ZMYND12: variants seen among roughly 807,000 people sequenced by gnomAD.
ZMYND12 encodes the protein zinc finger MYND domain-containing protein 12.
A neutral mutation model predicts 41.7 loss-of-function variants in ZMYND12; 32 were observed. That is an observed-to-expected ratio of 0.77 (90% CI 0.58 to 1.03). The LOEUF (loss-of-function observed/expected upper bound fraction) is 1.03. Among genes scored for constraint, ZMYND12 ranks in the 50% least tolerant of loss-of-function variants. ZMYND12 has a pLI of 0.00. For missense variants in ZMYND12, 424 were observed against 438.5 expected (o/e 0.97, Z 0.30); for synonymous variants, 148 against 164.8 (o/e 0.90, Z 0.78).
rs148618712 is a variant in ZMYND12 at position 42,443,133 on chromosome 1, C to A, written c.425-3108G>T. 6.6e-4 allele frequency among the ~76,000 whole-genome samples: 101 copies of A among 152,316 alleles called. 2 individuals carry two copies. Among genetic ancestry groups the A allele is most frequent in the Middle Eastern group, 3.4e-3 (1 of 294 alleles). ...AAAGAATGAAGACTCCAAGGCCCAG[C>A]TGAACCAGCATCTAAACAAGCATCA... On this transcript the variant is annotated intron_variant, in intron 3 of 7. Coordinates refer to ENST00000372565, the MANE Select transcript of ZMYND12 (RefSeq NM_032257.5).
chr1:42,454,355 A>G (rs1643119869), intron 1 of ZMYND12, among the ~76,000 whole-genome samples: 1 of 152,226 alleles, frequency 6.6e-6, no homozygotes, highest in South Asian at 2.1e-4. Context: ...TGTGGGGCAT[A>G]CAGCCTAATG....
chr1:42,454,004 C>T (rs944151450), intron 1 of ZMYND12, among the ~76,000 whole-genome samples: 9 of 151,938 alleles, frequency 5.9e-5, no homozygotes, highest in African/African-American at 1.9e-4. Context: ...AAAAGTATGA[C>T]GGGGAGTTGA....
At chr1:42,434,496 G>A (rs575795683) in intron 6 of ZMYND12, among the ~76,000 whole-genome samples, 1 of 152,230 alleles carries the variant, frequency 6.6e-6, no homozygotes, top group Admixed American at 6.5e-5. Flanking sequence ...CACAGCAGGT[G>A]GTGAGCAGGG....
chr1:42,435,350 G>A lies in ZMYND12; in HGVS notation c.753C>T (p.His251=). ...SEIWHAYLNN[H]YQVLSQAHIQ... ...TGTGAGCCTGTGAGAGGACTTGATA[G>A]TGATTGTTCAAATATGCATGCCAGA... The change falls in exon 6 of 8, where the codon CAC becomes CAT. Residue 251 remains histidine (H), a synonymous_variant. Transcript: ENST00000372565. 6.2e-7 allele frequency: 1 copy of A among 1,614,046 alleles called. No homozygotes were observed. Among genetic ancestry groups the A allele is most frequent in the Non-Finnish European group, 8.5e-7 (1 of 1,179,910 alleles).
At position 42,455,988 on chromosome 1, in the gene ZMYND12, T is replaced by A; in HGVS notation, c.10A>T (p.Ile4Phe). The change falls in exon 1 of 8, where the codon ATC becomes TTC. Residue 4 changes from isoleucine (I) to phenylalanine (F), a missense_variant. Coordinates refer to ENST00000372565, the MANE Select transcript of ZMYND12 (RefSeq NM_032257.5). Reference sequence around the variant, plus strand: ...CCCTTGGGGACTGCCAGTGGGTAGATCACATTCATGGTGCAGCCAGCAGTG... The same window carrying A: ...CCCTTGGGGACTGCCAGTGGGTAGAACACATTCATGGTGCAGCCAGCAGTG... Reference protein sequence around the residue: MNVIYPLAVPKGRR... With the variant: MNVFYPLAVPKGRR... 4 of 1,612,284 alleles carry A rather than the reference T, an allele frequency of 2.5e-6. No homozygotes were observed. Among genetic ancestry groups the A allele is most frequent in the Middle Eastern group, 1.7e-4 (1 of 6,060 alleles).
intron 1 of ZMYND12, among the ~76,000 whole-genome samples, chr1:42,453,485 C>G (rs1450105237): frequency 6.6e-6 from 1 of 152,150 alleles, no homozygotes; most frequent in Non-Finnish European, 1.5e-5. Flanking sequence ...ACACATTTGA[C>G]ATAGTATCTA....
At chr1:42,448,365 G>A in intron 3 of ZMYND12, 102 bp downstream of exon 3, 1 of 1,314,478 alleles carries the variant, frequency 7.6e-7, no homozygotes, top group Non-Finnish European at 1.0e-6. Flanking sequence ...TTCTACAATA[G>A]GTCTCTTGGT....
chr1:42,436,618 G>A, intron 4 of ZMYND12, 75 bp from the exon 5 acceptor site: 1 of 1,518,756 alleles, frequency 6.6e-7, no homozygotes, highest in South Asian at 1.2e-5. Context: ...CTTGTATCTA[G>A]AATACATACA....
intron 6 of ZMYND12, 123 bp from the exon 7 acceptor site, chr1:42,433,411 A>G (rs1642875589): frequency 1.7e-6 from 2 of 1,146,940 alleles, no homozygotes; most frequent in East Asian, 5.4e-5. Flanking sequence ...TGGTGGAAAT[A>G]GCACCAATTA....
intron 4 of ZMYND12, among the ~76,000 whole-genome samples, chr1:42,436,813 TAAA>T (rs923725306): frequency 2.1e-4 from 32 of 151,098 alleles, no homozygotes; most frequent in Non-Finnish European, 4.1e-4. Flanking sequence ...ATACAGAAAA[TAAA>T]AAGTGTTGGG....
intron 7 of ZMYND12, 170 bp downstream of exon 7, chr1:42,432,973 G>T: frequency 1.4e-6 from 1 of 731,206 alleles, no homozygotes; most frequent in Non-Finnish European, 2.2e-6. Context: ...TTTCCATTAT[G>T]CAGGCTAGAC....
In ZMYND12 at chr1:42,436,279, G is replaced by C. The variant is rs1275714478; in HGVS notation, c.717+142C>G. On this transcript the variant is annotated intron_variant, in intron 5 of 7. Transcript: ENST00000372565. Reference sequence around the variant, plus strand: ...GAAAATGGAGTATATCATGTATCAGGCTATATAGTCTTGGGCAAGCCACTT... The same window carrying C: ...GAAAATGGAGTATATCATGTATCAGCCTATATAGTCTTGGGCAAGCCACTT... The C allele has an allele frequency of 4.5e-6, 5 of 1,113,662 alleles. No homozygotes were observed. In the African/African-American group the frequency reaches 6.3e-5, roughly 14 times the overall value. 69.0% of individuals were successfully genotyped at this position (1,113,662 alleles called of 1,614,324 possible). A position where few individuals can be genotyped will look rare whatever the true frequency, so the allele number is the denominator to read the frequency against.
chr1:42,440,143 G>A, intron 3 of ZMYND12, 118 bp from the exon 4 acceptor site: 3 of 1,062,596 alleles, frequency 2.8e-6, no homozygotes, highest in Non-Finnish European at 3.8e-6. Context: ...TATTGACACA[G>A]AAAAACTCAT....
At chr1:42,449,367 A>G (rs1381979013) in intron 2 of ZMYND12, among the ~76,000 whole-genome samples, 2 of 152,154 alleles carry the variant, frequency 1.3e-5, no homozygotes, top group Non-Finnish European at 2.9e-5. Flanking sequence ...GCCAAAATTC[A>G]TGTGTTGAAG....
Position 42,435,369 on chromosome 1 carries a change from T to TG in ZMYND12, c.733dup (p.His245ProfsTer27). 1 of 1,613,618 alleles carries TG rather than the reference T, an allele frequency of 6.2e-7. No individual in the cohort carries two copies. Among genetic ancestry groups the TG allele is most frequent in the Non-Finnish European group, 8.5e-7 (1 of 1,179,560 alleles). On this transcript the variant is annotated frameshift_variant, in exon 6 of 8. Transcript: ENST00000372565. LOFTEE classifies it high-confidence loss of function. The stretch of plus-strand genomic sequence containing the variant: ...TTGATAGTGATTGTTCAAATATGCA[T>TG]GCCAGATCTCAGAGACCTGTTGGGA...
Position 42,455,889 on chromosome 1 carries a change from A to C in ZMYND12, c.109T>G (p.Cys37Gly). 2 of 1,609,154 alleles carry C rather than the reference A, an allele frequency of 1.2e-6. No individual in the cohort carries two copies. Among genetic ancestry groups the C allele is most frequent in the Non-Finnish European group, 8.5e-7 (1 of 1,176,576 alleles). The change falls in exon 1 of 8, where the codon TGT (cysteine) becomes GGT (glycine). Residue 37 changes from cysteine to glycine, a missense_variant and splice_region_variant. By Grantham distance (159) the Cys-to-Gly change is radical. Transcript: ENST00000372565. ...CAGGTGCCACGTTTCAGGGCCTACC[A>C]GTAATAAGTGACTGTGCAGGCCGCG... ...VCAACTVTYY[C>G]GVVHQKADWD...
chr1:42,430,836 G>A lies in ZMYND12; in HGVS notation c.998C>T (p.Ala333Val). ...CTGTTGTTCTTTGGCTAGACTGAGGGCCCTCATGCCATATTCCTGTGCCTG... is the reference window on the plus strand; with the variant it reads ...CTGTTGTTCTTTGGCTAGACTGAGGACCCTCATGCCATATTCCTGTGCCTG... Reference protein sequence around the residue: ...SSKAQEYGMRALSLAKEQQLD... With the variant: ...SSKAQEYGMRVLSLAKEQQLD... Residue 333 changes from alanine to valine, a missense_variant, in exon 8 of 8, where the codon GCC (alanine) becomes GTC (valine). Ala to Val is a moderately conservative substitution (Grantham distance 64). Transcript: ENST00000372565. 1.2e-6 allele frequency: 2 copies of A among 1,614,146 alleles called. No individual in the cohort carries two copies. The highest frequency in any genetic ancestry group is 1.7e-6 in the Non-Finnish European group (2 of 1,180,022).
At chr1:42,430,956 T>G in intron 7 of ZMYND12, 98 bp from the exon 8 acceptor site, 2 of 1,510,358 alleles carry the variant, frequency 1.3e-6, no homozygotes, top group Non-Finnish European at 1.8e-6. Context: ...GAGAGAGAAC[T>G]GACCACCTTT....
chr1:42,436,422 T>C lies in ZMYND12; in HGVS notation c.716A>G (p.Lys239Arg), dbSNP rs369265359. 18 of 1,612,986 alleles carry C rather than the reference T, an allele frequency of 1.1e-5. No individual in the cohort carries two copies. Among genetic ancestry groups the C allele is most frequent in the Middle Eastern group, 1.6e-4 (1 of 6,072 alleles). The stretch of plus-strand genomic sequence containing the variant: ...CAGCTCCCACATTCCCCAGCTCACC[T>C]TGGTGTACAATGTGTCTGCCAGGTC... ...KLDLADTLYT[K>R]VSEIWHAYLN... The change falls in exon 5 of 8, where the codon AAG becomes AGG. Residue 239 changes from lysine to arginine, a missense_variant and splice_region_variant. Transcript: ENST00000372565.
Sources: allele counts gnomAD v4.1 joint callset (sites outside exome capture counted in the v4.1 genomes callset), GRCh38; gene constraint gnomAD v4.1.1; transcripts MANE v1.5; gene names NCBI Gene and HGNC (gene_info 2026-07-23, HGNC 2026-07-21).